The following AUTS2 variants were observed in gnomAD, a reference collection of about 807,000 sequenced individuals.
AUTS2 encodes activator of transcription and developmental regulator AUTS2, also known as autism susceptibility gene 2 protein.
AUTS2 carries 17 observed loss-of-function variants against 112.4 expected under a neutral mutation model. The ratio of observed to expected loss-of-function variants is 0.15; its 90% CI spans 0.10 to 0.23. The LOEUF (loss-of-function observed/expected upper bound fraction) is 0.23, where lower values mean the gene tolerates loss of function less well. AUTS2 is among the 10% of genes least tolerant of loss of function. AUTS2 has a pLI of 1.00. For missense variants in AUTS2, 1,510 were observed against 1,701.6 expected, an observed-to-expected ratio of 0.89 and a Z score of 1.98; for synonymous variants, 751 against 702.7, an observed-to-expected ratio of 1.07 and a Z score of -1.09.
chr7:70,255,756 G>T (rs908696902), intron 4 of AUTS2, among the ~76,000 whole-genome samples: 1 of 151,726 alleles, frequency 6.6e-6, no homozygotes, highest in African/African-American at 2.4e-5. Context: ...AACTTTTGTT[G>T]GATACTAAAT....
intron 1 of AUTS2, among the ~76,000 whole-genome samples, chr7:69,691,722 C>T (rs1001039698): frequency 1.3e-5 from 2 of 151,924 alleles, no homozygotes; most frequent in African/African-American, 4.8e-5. Context: ...GTGCAGGGCT[C>T]CCACCCTGCT....
At chr7:69,801,876 G>GTGGTGTGT (rs1333286358) in intron 1 of AUTS2, among the ~76,000 whole-genome samples, 10 of 152,104 alleles carry the variant, frequency 6.6e-5, no homozygotes, top group African/African-American at 2.4e-4. Flanking sequence ...GAGGAAAGGG[G>GTGGTGTGT]GCCAGGAAAT....
chr7:69,650,228 A>G (rs960049114), intron 1 of AUTS2, among the ~76,000 whole-genome samples: 15 of 152,222 alleles, frequency 9.9e-5, no homozygotes, highest in Non-Finnish European at 1.9e-4. Flanking sequence ...AGACTGGAGT[A>G]TGTCCTAAGT....
intron 2 of AUTS2, among the ~76,000 whole-genome samples, chr7:70,103,195 C>G (rs1161834918): frequency 1.3e-5 from 2 of 152,126 alleles, no homozygotes; most frequent in Non-Finnish European, 2.9e-5. Flanking sequence ...ATTATTAATA[C>G]AATGTTACTC....
At chr7:69,942,880 A>G (rs778333594) in intron 2 of AUTS2, among the ~76,000 whole-genome samples, 1 of 152,256 alleles carries the variant, frequency 6.6e-6, no homozygotes, top group Non-Finnish European at 1.5e-5. Flanking sequence ...ATGCTTGCCA[A>G]TAGAAAACTG....
chr7:69,778,244 ATATTTT>A (rs1233333792), intron 1 of AUTS2, among the ~76,000 whole-genome samples: 2 of 83,060 alleles, frequency 2.4e-5, no homozygotes, highest in African/African-American at 4.1e-5. Flanking sequence ...ATATATATAT[ATATTTT>A]TTTTTTTTTT....
chr7:70,234,151 C>T (rs554517273), intron 4 of AUTS2, among the ~76,000 whole-genome samples: 9 of 152,256 alleles, frequency 5.9e-5, no homozygotes, highest in African/African-American at 2.2e-4. Flanking sequence ...TTCTCATAGG[C>T]TGTGCTTTTC....
rs116307269 is a variant in AUTS2 at position 70,714,530 on chromosome 7, C to T, written c.742+15910C>T. 4.0e-3 allele frequency among the ~76,000 whole-genome samples: 615 copies of T among 152,250 alleles called. 3 individuals are homozygous for T. Among genetic ancestry groups the T allele is most frequent in the African/African-American group, 0.012 (506 of 41,534 alleles). ...CATGATCTCATCTCCATGATTGTCC[C>T]ACAAGGGGTCATTTTACGTGATCTG... On this transcript the variant is annotated intron_variant, in intron 6 of 18. Coordinates refer to ENST00000342771, the MANE Select transcript of AUTS2 (RefSeq NM_015570.4).
intron 4 of AUTS2, among the ~76,000 whole-genome samples, chr7:70,318,084 G>C (rs959678326): frequency 6.6e-6 from 1 of 152,096 alleles, no homozygotes; most frequent in African/African-American, 2.4e-5. Context: ...GGATTATGTG[G>C]GGATCCCAGG....
At chr7:70,470,846 T>C (rs973318116) in intron 5 of AUTS2, among the ~76,000 whole-genome samples, 2 of 152,046 alleles carry the variant, frequency 1.3e-5, no homozygotes, top group African/African-American at 4.8e-5. Flanking sequence ...CAAAGGGCAT[T>C]GTCTAGTAGT....
chr7:70,113,879 A>G (rs1237745430), intron 2 of AUTS2, among the ~76,000 whole-genome samples: 3 of 152,228 alleles, frequency 2.0e-5, no homozygotes, highest in Non-Finnish European at 4.4e-5. Context: ...CATGCAGTCT[A>G]GGGTGATGGG....
intron 5 of AUTS2, among the ~76,000 whole-genome samples, chr7:70,618,099 C>G (rs1244427029): frequency 6.6e-6 from 1 of 152,172 alleles, no homozygotes; most frequent in African/African-American, 2.4e-5. Context: ...TTTTCTCCCT[C>G]TTAGACCAGG....
intron 1 of AUTS2, among the ~76,000 whole-genome samples, chr7:69,673,036 A>G (rs1428466581): frequency 3.3e-5 from 5 of 152,202 alleles, no homozygotes; most frequent in African/African-American, 1.2e-4. Context: ...TCATGTTTCT[A>G]GAGTTTTTTC....
At chr7:70,067,909 CATGCAA>C (rs1233594931) in intron 2 of AUTS2, among the ~76,000 whole-genome samples, 2 of 151,120 alleles carry the variant, frequency 1.3e-5, no homozygotes, top group African/African-American at 4.9e-5. Context: ...TACCCAACAT[CATGCAA>C]ATGCATGGTT....
intron 6 of AUTS2, among the ~76,000 whole-genome samples, chr7:70,725,558 A>C (rs1284057649): frequency 1.3e-5 from 2 of 152,234 alleles, no homozygotes; most frequent in African/African-American, 4.8e-5. Flanking sequence ...TAACAAACTT[A>C]CATGACAAAT....
chr7:70,540,921 C>T (rs1563027599), intron 5 of AUTS2, among the ~76,000 whole-genome samples: 1 of 152,178 alleles, frequency 6.6e-6, no homozygotes, highest in Non-Finnish European at 1.5e-5. Flanking sequence ...TTGATCTGGT[C>T]TCTGCCTGAA....
At chr7:70,235,771 CCCACCATGTAGCTG>C (rs1383477216) in intron 4 of AUTS2, among the ~76,000 whole-genome samples, 6 of 152,038 alleles carry the variant, frequency 3.9e-5, no homozygotes, top group Non-Finnish European at 8.8e-5. Context: ...CCTGCCTCAG[CCCACCATGTAGCTG>C]GGAGTACGGG....
intron 1 of AUTS2, among the ~76,000 whole-genome samples, chr7:69,682,055 G>A (rs1796823015): frequency 6.6e-6 from 1 of 152,190 alleles, no homozygotes; most frequent in African/African-American, 2.4e-5. Flanking sequence ...TGCCTGTAAA[G>A]TGCTTTGCAT....
At chr7:69,600,199 GC>G (rs757922327) in intron 1 of AUTS2, among the ~76,000 whole-genome samples, 36 of 151,928 alleles carry the variant, frequency 2.4e-4, no homozygotes, top group Non-Finnish European at 5.1e-4. Flanking sequence ...TTTCCCCTGC[GC>G]CCCCTCCCTG....
Sources: allele counts gnomAD v4.1 joint callset (sites outside exome capture counted in the v4.1 genomes callset), GRCh38; gene constraint gnomAD v4.1.1; transcripts MANE v1.5; gene names NCBI Gene and HGNC (gene_info 2026-07-23, HGNC 2026-07-21).